The following COBL variants were observed in gnomAD, a reference collection of about 807,000 sequenced individuals.
The protein encoded by COBL is cordon-bleu WH2 repeat protein.
A neutral mutation model predicts 98.8 loss-of-function variants in COBL; 51 were observed. The ratio of observed to expected loss-of-function variants is 0.52; its 90% CI spans 0.41 to 0.65. The LOEUF is 0.65. COBL is among the 30% of genes least tolerant of loss of function. The pLI, the probability that COBL is intolerant of heterozygous loss-of-function variation, is 0.00. For synonymous variants in COBL, 634 were observed against 651.7 expected (o/e 0.97, Z 0.41); for missense variants, 1,617 against 1,617.5 (o/e 1.00, Z 0.01).
At chr7:51,295,841 C>T (rs1801376239) in intron 1 of COBL, among the ~76,000 whole-genome samples, 1 of 152,186 alleles carries the variant, frequency 6.6e-6, no homozygotes, top group Non-Finnish European at 1.5e-5. Context: ...CTTTACCCTC[C>T]TAAGTGATCA....
At chr7:51,156,408 T>C (rs1211900857) in intron 5 of COBL, 2 of 985,166 alleles carry the variant, frequency 2.0e-6, no homozygotes, top group African/African-American at 1.7e-5. Flanking sequence ...CACCGAAGTG[T>C]CTCTTCTGAA....
At chr7:51,306,667 G>T (rs555994473) in intron 1 of COBL, among the ~76,000 whole-genome samples, 11 of 152,234 alleles carry the variant, frequency 7.2e-5, no homozygotes, top group African/African-American at 2.6e-4. Context: ...AGCTGAGTTT[G>T]GTCCTCTCCT....
intron 6 of COBL, among the ~76,000 whole-genome samples, chr7:51,134,584 A>C (rs1395905756): frequency 1.3e-5 from 2 of 152,196 alleles, no homozygotes; most frequent in African/African-American, 4.8e-5. Flanking sequence ...ACAAAATACA[A>C]TTCTTATTAA....
chr7:51,299,766 A>G (rs2129200776), intron 1 of COBL, among the ~76,000 whole-genome samples: 1 of 152,306 alleles, frequency 6.6e-6, no homozygotes, highest in East Asian at 1.9e-4. Context: ...AACAGCACCT[A>G]TGTACAGGTC....
chr7:51,244,266 C>T (rs566532515), intron 1 of COBL, among the ~76,000 whole-genome samples: 2 of 152,192 alleles, frequency 1.3e-5, no homozygotes. Flanking sequence ...CCTCTACAGA[C>T]GCCTGGACCA....
intron 6 of COBL, among the ~76,000 whole-genome samples, chr7:51,093,891 C>T (rs1370400): frequency 1.0e-3 from 151 of 144,526 alleles, no homozygotes; most frequent in Middle Eastern, 7.4e-3. Flanking sequence ...CAGGCCCTGA[C>T]ACCAAAAGAA....
At chr7:51,285,926 T>C (rs1452258979) in intron 1 of COBL, among the ~76,000 whole-genome samples, 1 of 152,142 alleles carries the variant, frequency 6.6e-6, no homozygotes, top group Admixed American at 6.6e-5. Context: ...AATCAAGAAA[T>C]AGATCCACAT....
intron 5 of COBL, among the ~76,000 whole-genome samples, chr7:51,142,582 C>T (rs1269185095): frequency 6.6e-6 from 1 of 151,942 alleles, no homozygotes; most frequent in Non-Finnish European, 1.5e-5. Flanking sequence ...CAGGGTTTTG[C>T]CATCTTGGAA....
At chr7:51,266,397 G>T (rs1798201578) in intron 1 of COBL, among the ~76,000 whole-genome samples, 1 of 151,930 alleles carries the variant, frequency 6.6e-6, no homozygotes, top group Non-Finnish European at 1.5e-5. Context: ...TGACCAACAT[G>T]GAGAAACCCC....
At chr7:51,105,086 A>T (rs1302307958) in intron 6 of COBL, among the ~76,000 whole-genome samples, 4 of 152,012 alleles carry the variant, frequency 2.6e-5, no homozygotes, top group Non-Finnish European at 5.9e-5. Flanking sequence ...TTGTAACCCC[A>T]TATTACTCGA....
chr7:51,151,808 C>T (rs920785334), intron 5 of COBL, among the ~76,000 whole-genome samples: 1 of 152,220 alleles, frequency 6.6e-6, no homozygotes, highest in Non-Finnish European at 1.5e-5. Context: ...TCTTCAAGAG[C>T]AGAAAGGGCT....
At chr7:51,099,025 C>T (rs1036391161) in intron 6 of COBL, among the ~76,000 whole-genome samples, 8 of 151,200 alleles carry the variant, frequency 5.3e-5, no homozygotes, top group Admixed American at 4.6e-4. Flanking sequence ...CATCACTAAT[C>T]ATCTGGGAAA....
intron 5 of COBL, among the ~76,000 whole-genome samples, chr7:51,150,420 C>A (rs911282364): frequency 1.4e-4 from 22 of 152,148 alleles, no homozygotes; most frequent in African/African-American, 5.3e-4. Context: ...ACTAGTCAAC[C>A]CCAGCAACCT....
chr7:51,209,529 G>A (rs1792203589), intron 2 of COBL, among the ~76,000 whole-genome samples: 1 of 152,172 alleles, frequency 6.6e-6, no homozygotes, highest in African/African-American at 2.4e-5. Context: ...AAGAGCTCCA[G>A]GAAACAAAAC....
chr7:51,191,180 G>T, intron 3 of COBL, 102 bp from the exon 4 acceptor site: 3 of 960,910 alleles, frequency 3.1e-6, no homozygotes, highest in Non-Finnish European at 4.8e-6. Flanking sequence ...ATTGTGTGTA[G>T]CCTGAATCCT....
chr7:51,020,405 G>A (rs12719024), intron 12 of COBL, among the ~76,000 whole-genome samples: 64,155 of 152,034 alleles, frequency 0.42, 15,867 homozygotes, highest in Non-Finnish European at 0.58. Context: ...GGTCCTGAGG[G>A]CACAGATGAA....
chr7:51,200,940 G>A (rs1297480755), intron 2 of COBL, among the ~76,000 whole-genome samples: 1 of 152,098 alleles, frequency 6.6e-6, no homozygotes, highest in Non-Finnish European at 1.5e-5. Context: ...GATATTTCAT[G>A]AAAAAGGTTA....
Position 51,025,318 on chromosome 7 carries a change from CAG to C in COBL, c.3557_3558del (p.Ser1186CysfsTer101), listed in dbSNP as rs1787438883. The C allele has an allele frequency of 6.2e-7, 1 of 1,613,252 alleles. No individual in the cohort carries two copies. Among genetic ancestry groups the C allele is most frequent in the African/African-American group, 1.3e-5 (1 of 74,888 alleles). ...AGCAGAGGACTTTCCGAGCCCTGAG[CAG>C]AGAGTGCGGCATCTCGGAAGCTCTG... ...ELQSFRDAALSAQGSESPLLE... is the reference protein window; with the variant it reads ...ELQSFRDAALXAQGSESPLLE... On this transcript the variant is annotated frameshift_variant, in exon 12 of 13. Coordinates refer to ENST00000265136, the MANE Select transcript of COBL (RefSeq NM_015198.5). LOFTEE classifies it high-confidence loss of function.
chr7:51,316,486 C>T lies in COBL; in HGVS notation c.41+107G>A, dbSNP rs553525263. The T allele has an allele frequency of 1.4e-3, 1,129 of 832,456 alleles. 9 individuals carry two copies. The African/African-American group carries it at 0.018, about 13-fold the overall frequency. 51.6% of individuals were successfully genotyped at this position (832,456 alleles called of 1,614,324 possible). A position where few individuals can be genotyped will look rare whatever the true frequency, so the allele number is the denominator to read the frequency against. On this transcript the variant is annotated intron_variant, in intron 1 of 12. Coordinates refer to ENST00000265136, the MANE Select transcript of COBL (RefSeq NM_015198.5). ...GCTCCACCACTACCACCAGCACCCG[C>T]TGGGGCGGCAGAGAGGGCGCCCTGC...
Sources: gnomAD v4.1 joint callset for allele counts (sites outside exome capture counted in the v4.1 genomes callset) on GRCh38, gnomAD v4.1.1 for gene constraint, MANE v1.5 for transcripts, NCBI Gene and HGNC (gene_info 2026-07-23, HGNC 2026-07-21) for gene names.